NUMA1: variants seen among roughly 807,000 people sequenced by gnomAD.
NUMA1 encodes the protein SP-H antigen.
A neutral mutation model predicts 237.1 loss-of-function variants in NUMA1; 62 were observed. The ratio of observed to expected loss-of-function variants is 0.26; its 90% confidence interval spans 0.21 to 0.32. NUMA1 has a LOEUF of 0.32. NUMA1 is among the 10% of genes least tolerant of loss of function. The probability of loss-of-function intolerance (pLI) is 1.00; values close to 1 mark genes in which losing one functional copy is unlikely to be tolerated. For synonymous variants in NUMA1, 1,028 were observed against 1,066.1 expected (o/e 0.96, Z 0.70); for missense variants, 2,533 against 2,666.5 (o/e 0.95, Z 1.10).
chr11:72,003,715 G>T, intron 26 of NUMA1, 172 bp downstream of exon 26: 1 of 980,742 alleles, frequency 1.0e-6, no homozygotes, highest in Non-Finnish European at 1.6e-6. Flanking sequence ...CATGAGAATG[G>T]GGCCATCTGT....
At chr11:72,036,920 C>G (rs879536118) in intron 2 of NUMA1, among the ~76,000 whole-genome samples, 1 of 152,178 alleles carries the variant, frequency 6.6e-6, no homozygotes, top group African/African-American at 2.4e-5. Flanking sequence ...TCCTGCCACA[C>G]GTGCTCAGTC....
At chr11:72,060,873 T>C (rs1354953066) in intron 2 of NUMA1, among the ~76,000 whole-genome samples, 1 of 151,978 alleles carries the variant, frequency 6.6e-6, no homozygotes, top group East Asian at 1.9e-4. Flanking sequence ...GAATCGAGAC[T>C]GTCCTGGCCA....
intron 2 of NUMA1, among the ~76,000 whole-genome samples, chr11:72,057,791 T>C (rs1942739849): frequency 6.7e-6 from 1 of 149,382 alleles, no homozygotes; most frequent in African/African-American, 2.5e-5. Context: ...AAAACTAAGC[T>C]GGGTGCGGTG....
intron 2 of NUMA1, among the ~76,000 whole-genome samples, chr11:72,059,466 AC>A (rs1942831192): frequency 6.6e-6 from 1 of 152,074 alleles, no homozygotes; most frequent in East Asian, 1.9e-4. Flanking sequence ...ATGGGATTTC[AC>A]CATGTTGCCC....
At chr11:72,076,112 G>A (rs1288798563) in intron 1 of NUMA1, among the ~76,000 whole-genome samples, 4 of 152,244 alleles carry the variant, frequency 2.6e-5, no homozygotes, top group Non-Finnish European at 4.4e-5. Context: ...AGTGGCTCAC[G>A]CCAGTAATCC....
rs1490267487 is a variant in NUMA1, at chr11:72,080,486, G to A, written c.-131C>T. 6.6e-6 allele frequency: 1 copy of A among 152,070 alleles called. No individual in the cohort carries two copies. Among genetic ancestry groups the A allele is most frequent in the East Asian group, 1.9e-4 (1 of 5,154 alleles). 9.4% of individuals were successfully genotyped at this position (152,070 alleles called of 1,614,324 possible). A position where few individuals can be genotyped will look rare whatever the true frequency, so the allele number is the denominator to read the frequency against. ...GCTGCGCGCTCCCGCTCTGCCTCGC[G>A]ATTCTCCGGAATCGTACCTCTTCGT... On this transcript the variant is annotated 5_prime_UTR_variant, in exon 1 of 27. Transcript: ENST00000393695.
intron 2 of NUMA1, among the ~76,000 whole-genome samples, chr11:72,046,892 G>A (rs1314878639): frequency 6.6e-6 from 1 of 152,004 alleles, no homozygotes; most frequent in African/African-American, 2.4e-5. Context: ...TCCGGGAGGC[G>A]GAGGTTGCAG....
rs576253128 is a variant in NUMA1, at chr11:72,017,723, C to T, written c.1083G>A (p.Gln361=). 96 of 1,613,496 alleles carry T rather than the reference C, an allele frequency of 5.9e-5. 2 individuals carry two copies. The South Asian group carries it at 9.6e-4, about 16-fold the overall frequency. Residue 361 remains glutamine, a synonymous_variant, in exon 13 of 27, where the codon CAG becomes CAA. Coordinates refer to ENST00000393695, the MANE Select transcript of NUMA1 (RefSeq NM_006185.4). ...GGGCTGCGCTGAGCTCCTTCTCCAG[C>T]TGGGCCTGCTTCTCTAGCCACTCCT... ...ATQEWLEKQA[Q]LEKELSAALQ... is the part of the protein sequence containing the mutation.
chr11:72,054,904 G>C (rs539569327), intron 2 of NUMA1, among the ~76,000 whole-genome samples: 8 of 152,080 alleles, frequency 5.3e-5, no homozygotes, highest in Admixed American at 5.2e-4. Context: ...GGTGATGTAC[G>C]CATTTGCGAT....
chr11:72,003,629 C>CCTGT (rs1478844468), intron 26 of NUMA1, 91 bp from the exon 27 acceptor site: 2 of 1,527,626 alleles, frequency 1.3e-6, no homozygotes, highest in Non-Finnish European at 1.8e-6. Flanking sequence ...CTCCCACGCC[C>CCTGT]CTGTCTGGAT....
chr11:72,048,223 A>C, intron 2 of NUMA1, among the ~76,000 whole-genome samples: 1 of 152,136 alleles, frequency 6.6e-6, no homozygotes. Flanking sequence ...CAGCCTCCCG[A>C]GTAGCTGGGA....
At chr11:72,016,564 G>A (rs756994198) in intron 13 of NUMA1, 34 bp from the exon 14 acceptor site, 10 of 1,605,846 alleles carry the variant, frequency 6.2e-6, no homozygotes, top group Non-Finnish European at 8.5e-6. Flanking sequence ...GAACAGAGAG[G>A]GGGAACAGGC....
chr11:72,033,392 C>T (rs1441866151), intron 3 of NUMA1, among the ~76,000 whole-genome samples: 9 of 144,478 alleles, frequency 6.2e-5, no homozygotes, highest in African/African-American at 2.4e-4. Context: ...TTTTTTTTGA[C>T]ACAGGCTTTC....
chr11:72,039,374 C>T (rs1941410316), intron 2 of NUMA1, among the ~76,000 whole-genome samples: 1 of 152,254 alleles, frequency 6.6e-6, no homozygotes, highest in Non-Finnish European at 1.5e-5. Flanking sequence ...CCGCCCTTGG[C>T]CTGGGTGCCA....
chr11:72,004,522 G>C, intron 24 of NUMA1, 118 bp downstream of exon 24: 1 of 1,247,294 alleles, frequency 8.0e-7, no homozygotes, highest in East Asian at 2.4e-5. Context: ...GGCCCTTGGA[G>C]AGAGGGAAAG....
At chr11:72,059,981 A>G (rs1487510485) in intron 2 of NUMA1, among the ~76,000 whole-genome samples, 1 of 152,196 alleles carries the variant, frequency 6.6e-6, no homozygotes, top group Non-Finnish European at 1.5e-5. Flanking sequence ...ATCTCCTCAC[A>G]TATGCAACTG....
chr11:72,012,822 G>A (rs888464668), intron 15 of NUMA1, 73 bp downstream of exon 15: 4 of 1,559,722 alleles, frequency 2.6e-6, no homozygotes, highest in African/African-American at 2.7e-5. Context: ...TAGAGGCCCT[G>A]GACACAGAGG....
intron 2 of NUMA1, chr11:72,066,580 T>G (rs967823130): frequency 3.3e-5 from 5 of 152,210 alleles, no homozygotes; most frequent in Non-Finnish European, 7.3e-5. Context: ...CTCCATTAAA[T>G]GCCCTGTCTC....
At chr11:72,052,475 G>A (rs1214533878) in intron 2 of NUMA1, among the ~76,000 whole-genome samples, 2 of 152,080 alleles carry the variant, frequency 1.3e-5, no homozygotes, top group African/African-American at 4.8e-5. Flanking sequence ...GATAAGAAGG[G>A]TAATAAGTAA....
Sources: allele counts gnomAD v4.1 joint callset (sites outside exome capture counted in the v4.1 genomes callset), GRCh38; gene constraint gnomAD v4.1.1; transcripts MANE v1.5; gene names NCBI Gene and HGNC (gene_info 2026-07-23, HGNC 2026-07-21).